MYH10: variants seen among roughly 807,000 people sequenced by gnomAD.
MYH10 encodes the protein myosin heavy chain 10.
A neutral mutation model predicts 257.8 loss-of-function variants in MYH10; 55 were observed. The ratio of observed to expected loss-of-function variants is 0.21; its 90% CI spans 0.17 to 0.27. The LOEUF (loss-of-function observed/expected upper bound fraction) is 0.27, where lower values mean the gene tolerates loss of function less well. Ranked by LOEUF, MYH10 falls within the 10% of genes least tolerant of loss-of-function variation. The probability of loss-of-function intolerance (pLI) is 1.00; values close to 1 mark genes in which losing one functional copy is unlikely to be tolerated. For missense variants in MYH10, 1,631 were observed against 2,500.6 expected (o/e 0.65, Z 7.42); for synonymous variants, 854 against 921.7 (o/e 0.93, Z 1.33).
chr17:8,626,578 AAATAATAAT>A (rs56176665), intron 1 of MYH10, among the ~76,000 whole-genome samples: 67 of 140,182 alleles, frequency 4.8e-4, no homozygotes, highest in African/African-American at 6.1e-4. Context: ...AAATAATAAT[AAATAATAAT>A]AATAATAATA....
intron 26 of MYH10, among the ~76,000 whole-genome samples, chr17:8,507,864 T>C (rs1345037632): frequency 1.3e-5 from 2 of 151,928 alleles, no homozygotes; most frequent in Non-Finnish European, 2.9e-5. Flanking sequence ...CCCCGCTACT[T>C]GGGAGGCTGA....
intron 17 of MYH10, among the ~76,000 whole-genome samples, chr17:8,524,294 A>G (rs2081760145): frequency 6.6e-6 from 1 of 151,860 alleles, no homozygotes; most frequent in Non-Finnish European, 1.5e-5. Context: ...TACAACAAAT[A>G]CAAAAATTAG....
At position 8,475,922 on chromosome 17, in the gene MYH10, G is replaced by A; in HGVS notation, c.5906C>T (p.Ser1969Phe). Residue 1969 changes from serine (S) to phenylalanine (F), a missense_variant, in exon 43 of 43, where the codon TCC becomes TTC. Transcript: ENST00000360416. Reference protein sequence around the residue: ...LRRGGPISFSSSRSGRRQLHL... With the variant: ...LRRGGPISFSFSRSGRRQLHL... ...CAGCTGGCGCCGGCCAGATCGGCTG[G>A]AAGAGAAGCTGATGGGGCCACCCCG... 1.2e-6 allele frequency: 2 copies of A among 1,613,950 alleles called. No individual in the cohort carries two copies. The highest frequency in any genetic ancestry group is 1.7e-6 in the Non-Finnish European group (2 of 1,180,000).
At chr17:8,544,015 A>AT (rs1047960405) in intron 13 of MYH10, among the ~76,000 whole-genome samples, 1 of 151,934 alleles carries the variant, frequency 6.6e-6, no homozygotes, top group Non-Finnish European at 1.5e-5. Context: ...TGTGACCCTG[A>AT]TTTTTTTTAA....
intron 4 of MYH10, among the ~76,000 whole-genome samples, chr17:8,578,243 C>CTTTTTTTT (rs5819199): frequency 2.3e-5 from 3 of 129,216 alleles, no homozygotes; most frequent in Non-Finnish European, 1.6e-5. Flanking sequence ...TTCTTTCTTT[C>CTTTTTTTT]TTTTTTTTTT....
chr17:8,512,423 G>A, intron 24 of MYH10, 28 bp downstream of exon 24: 2 of 1,562,484 alleles, frequency 1.3e-6, no homozygotes, highest in Admixed American at 1.8e-5. Flanking sequence ...TCCAAAATAT[G>A]CTTCTAAGTA....
chr17:8,586,683 G>A (rs2083926398), intron 4 of MYH10, among the ~76,000 whole-genome samples: 1 of 152,126 alleles, frequency 6.6e-6, no homozygotes, highest in Non-Finnish European at 1.5e-5. Context: ...CTAAAATGGT[G>A]TCGATCATCT....
intron 3 of MYH10, among the ~76,000 whole-genome samples, chr17:8,601,521 C>CT (rs1294724655): frequency 6.6e-6 from 1 of 150,812 alleles, no homozygotes; most frequent in East Asian, 2.0e-4. Flanking sequence ...AAAAATATCA[C>CT]TTTTTTCATG....
intron 4 of MYH10, among the ~76,000 whole-genome samples, chr17:8,578,987 T>C (rs2083601128): frequency 6.6e-6 from 1 of 152,164 alleles, no homozygotes; most frequent in South Asian, 2.1e-4. Flanking sequence ...GAATTGTACT[T>C]AGAATTGCAC....
At chr17:8,549,661 T>C (rs893968893) in intron 9 of MYH10, among the ~76,000 whole-genome samples, 5 of 152,218 alleles carry the variant, frequency 3.3e-5, no homozygotes, top group African/African-American at 4.8e-5. Context: ...TCTTTTTCTA[T>C]TTCTTTCAAC....
chr17:8,569,860 T>C lies in MYH10; in HGVS notation c.664-48A>G. 1 of 1,399,654 alleles carries C rather than the reference T, an allele frequency of 7.1e-7. No individual in the cohort carries two copies. Among genetic ancestry groups the C allele is most frequent in the Non-Finnish European group, 9.9e-7 (1 of 1,012,298 alleles). The allele number at this position is 1,399,654 out of a possible 1,614,324, so 86.7% of individuals were successfully genotyped here. On this transcript the variant is annotated intron_variant, in intron 6 of 42. Coordinates refer to ENST00000360416, the MANE Select transcript of MYH10 (RefSeq NM_001256012.3). This position sits in a 1 kb window ranked among gnomAD's most constrained non-coding sequence, Gnocchi z 4.1. Reference sequence around the variant, plus strand: ...AAATAAAAGCAGATGTACGTTAATCTAATGTCTTTACTCAAGTCATCAGGG... The same window carrying C: ...AAATAAAAGCAGATGTACGTTAATCCAATGTCTTTACTCAAGTCATCAGGG...
At position 8,475,624 on chromosome 17, in the gene MYH10, AG is replaced by A; in HGVS notation, c.*179del. On this transcript the variant is annotated 3_prime_UTR_variant, in exon 43 of 43. Transcript: ENST00000360416. Reference sequence around the variant, plus strand: ...GTCCTGTGTGTGTCTATATATAAAAAGGGGAGCAATTGTACCTAAGTCTGAA... The same window carrying A: ...GTCCTGTGTGTGTCTATATATAAAAAGGGAGCAATTGTACCTAAGTCTGAA... 1 of 643,498 alleles carries A rather than the reference AG, an allele frequency of 1.6e-6. No individual in the cohort carries two copies. The highest frequency in any genetic ancestry group is 2.7e-6 in the Non-Finnish European group (1 of 372,758). 39.9% of individuals were successfully genotyped at this position (643,498 alleles called of 1,614,324 possible).
At chr17:8,483,354 C>T (rs1331737305) in intron 37 of MYH10, among the ~76,000 whole-genome samples, 2 of 152,234 alleles carry the variant, frequency 1.3e-5, no homozygotes, top group East Asian at 1.9e-4. Flanking sequence ...AGGACGAAAA[C>T]CTCTTGAAGC....
chr17:8,536,942 G>GT (rs2151936456), intron 14 of MYH10, among the ~76,000 whole-genome samples: 1 of 152,274 alleles, frequency 6.6e-6, no homozygotes, highest in East Asian at 1.9e-4. Context: ...GCAGGATTTG[G>GT]TAGTGGTAAT....
chr17:8,503,175 C>T (rs1220426423), intron 28 of MYH10, among the ~76,000 whole-genome samples: 4 of 152,034 alleles, frequency 2.6e-5, no homozygotes, highest in Admixed American at 1.3e-4. Context: ...CCCAGCTACT[C>T]GGGAGGCTGA....
At chr17:8,496,540 C>T (rs1352439214) in intron 30 of MYH10, among the ~76,000 whole-genome samples, 26 of 152,162 alleles carry the variant, frequency 1.7e-4, no homozygotes, top group Non-Finnish European at 4.4e-5. Context: ...TGGGGAACAA[C>T]GTACATGGGA....
At chr17:8,542,041 G>A in intron 14 of MYH10, 66 bp downstream of exon 14, 1 of 1,482,716 alleles carries the variant, frequency 6.7e-7, no homozygotes, top group African/African-American at 1.4e-5. Flanking sequence ...TCTGTCTTGG[G>A]TTATGCCACT....
chr17:8,478,578 TTCATGACTAA>T (rs1011646187), intron 40 of MYH10, 132 bp from the exon 41 acceptor site: 58 of 761,448 alleles, frequency 7.6e-5, no homozygotes, highest in Non-Finnish European at 1.1e-4. Context: ...CTGTCCAGAA[TTCATGACTAA>T]TGTGCTGAAA....
chr17:8,610,879 A>G (rs1394899003), intron 2 of MYH10, among the ~76,000 whole-genome samples: 8 of 152,228 alleles, frequency 5.3e-5, no homozygotes, highest in Non-Finnish European at 1.2e-4. Context: ...ACCAATCTCA[A>G]TATGTCAACC....
Sources: gnomAD v4.1 joint callset for allele counts (sites outside exome capture counted in the v4.1 genomes callset) on GRCh38, gnomAD v4.1.1 for gene constraint, Gnocchi (gnomAD v3.1) non-coding constraint, MANE v1.5 for transcripts, NCBI Gene and HGNC (gene_info 2026-07-23, HGNC 2026-07-21) for gene names.